Variants in PTPRD observed in about 807,000 individuals in gnomAD.
The protein encoded by PTPRD is receptor-type tyrosine-protein phosphatase delta.
In PTPRD, 34 loss-of-function variants were observed where a neutral mutation model predicts 214.5. The observed-to-expected ratio is 0.16, with a 90% CI of 0.12 to 0.21. PTPRD has a LOEUF of 0.21. PTPRD is among the 10% of genes least tolerant of loss of function. The pLI, the probability that PTPRD is intolerant of heterozygous loss-of-function variation, is 1.00. For missense variants in PTPRD, 2,545 were observed against 2,398.7 expected (o/e 1.06, Z -1.27); for synonymous variants, 1,128 against 845.7 (o/e 1.33, Z -5.79).
At chr9:9,147,330 G>C (rs1204821651) in intron 10 of PTPRD, among the ~76,000 whole-genome samples, 2 of 151,628 alleles carry the variant, frequency 1.3e-5, no homozygotes, top group East Asian at 3.9e-4. Context: ...CTGGGGTGGG[G>C]GAGGGGATTA....
chr9:8,342,688 G>T (rs867458171), intron 39 of PTPRD, among the ~76,000 whole-genome samples: 2 of 151,940 alleles, frequency 1.3e-5, no homozygotes, highest in African/African-American at 2.4e-5. Flanking sequence ...TTCATTTATT[G>T]TCCATCCCTC....
Position 9,564,893 on chromosome 9 carries a change from T to G in PTPRD, c.-237+9839A>C, listed in dbSNP as rs7863240. 9.8e-3 allele frequency among the ~76,000 whole-genome samples: 1,274 copies of G among 130,524 alleles called. 18 individuals carry two copies. Among genetic ancestry groups the G allele is most frequent in the African/African-American group, 0.039 (1,218 of 30,962 alleles). The allele number at this position is 130,524 out of a possible 152,430, so 85.6% of individuals were successfully genotyped here. A position where few individuals can be genotyped will look rare whatever the true frequency, so the allele number is the denominator to read the frequency against. On this transcript the variant is annotated intron_variant, in intron 8 of 45. Transcript: ENST00000381196. ...GAGACTTGAATCTTCTGTTTTTTTT[T>G]TTTTTTTTTTTTTTTTTTTTGCAGT...
chr9:10,327,154 T>C (rs1291965583), intron 3 of PTPRD, among the ~76,000 whole-genome samples: 1 of 127,226 alleles, frequency 7.9e-6, no homozygotes, highest in East Asian at 2.2e-4. Flanking sequence ...TGTGCATTTG[T>C]GCACATATAT....
intron 39 of PTPRD, among the ~76,000 whole-genome samples, chr9:8,343,790 C>A (rs776914367): frequency 2.6e-5 from 4 of 151,976 alleles, no homozygotes; most frequent in Non-Finnish European, 4.4e-5. Flanking sequence ...AAGTGCTCAA[C>A]AGTGTTTGTG....
intron 9 of PTPRD, among the ~76,000 whole-genome samples, chr9:9,372,569 T>C (rs1310919691): frequency 6.6e-6 from 1 of 152,146 alleles, no homozygotes; most frequent in Non-Finnish European, 1.5e-5. Context: ...CTTTATCCCA[T>C]TTGCCAGTCT....
At chr9:8,973,175 A>G (rs746711364) in intron 11 of PTPRD, among the ~76,000 whole-genome samples, 10 of 151,994 alleles carry the variant, frequency 6.6e-5, no homozygotes, top group Non-Finnish European at 1.2e-4. Flanking sequence ...GGGTGTGAGC[A>G]TAATACTCAA....
intron 3 of PTPRD, among the ~76,000 whole-genome samples, chr9:10,275,455 A>G (rs938635297): frequency 6.6e-6 from 1 of 152,092 alleles, no homozygotes; most frequent in Non-Finnish European, 1.5e-5. Context: ...GAGAGAATTG[A>G]TGTACTTATA....
chr9:10,156,956 G>A (rs1007041420), intron 3 of PTPRD, among the ~76,000 whole-genome samples: 4 of 152,210 alleles, frequency 2.6e-5, no homozygotes, highest in Middle Eastern at 3.4e-3. Context: ...TGCAACTTCT[G>A]CTTTTTTCTG....
At chr9:8,327,384 C>T (rs766145133) in intron 44 of PTPRD, among the ~76,000 whole-genome samples, 1 of 151,644 alleles carries the variant, frequency 6.6e-6, no homozygotes, top group Non-Finnish European at 1.5e-5. Flanking sequence ...TTTGATTGCA[C>T]TGTGGTCTGA....
chr9:9,954,569 GAAAA>G (rs1310845082), intron 4 of PTPRD, among the ~76,000 whole-genome samples: 1 of 145,878 alleles, frequency 6.9e-6, no homozygotes, highest in Non-Finnish European at 1.5e-5. Flanking sequence ...TGCAGAAATA[GAAAA>G]TCTGTCATTT....
At chr9:8,436,349 A>AC (rs947745983) in intron 35 of PTPRD, among the ~76,000 whole-genome samples, 3 of 151,986 alleles carry the variant, frequency 2.0e-5, no homozygotes, top group African/African-American at 7.2e-5. Flanking sequence ...AAAAATAAAA[A>AC]ACAGAAAATT....
intron 14 of PTPRD, among the ~76,000 whole-genome samples, chr9:8,538,039 C>A (rs984285359): frequency 2.0e-5 from 3 of 151,906 alleles, no homozygotes; most frequent in Non-Finnish European, 4.4e-5. Context: ...ACTATTAATA[C>A]CTGAACGTTT....
chr9:9,241,530 A>T (rs992275065), intron 9 of PTPRD, among the ~76,000 whole-genome samples: 1 of 152,130 alleles, frequency 6.6e-6, no homozygotes, highest in Non-Finnish European at 1.5e-5. Flanking sequence ...CGCACCTTGG[A>T]GAAACTGGTC....
At position 8,500,933 on chromosome 9, in the gene PTPRD, G is replaced by C. The variant is rs2136975733; in HGVS notation, c.1949C>G (p.Thr650Ser). The C allele has an allele frequency of 1.2e-6, 2 of 1,614,158 alleles. No homozygotes were observed. The highest frequency in any genetic ancestry group is 1.7e-6 in the Non-Finnish European group (2 of 1,180,012). The change falls in exon 24 of 46, where the codon ACT becomes AGT. Residue 650 changes from threonine (T) to serine (S), a missense_variant. Thr to Ser is a moderately conservative substitution (Grantham distance 58). Coordinates refer to ENST00000381196, the MANE Select transcript of PTPRD (RefSeq NM_002839.4). ...GIITEYSIKY[T>S]AVDGEDDKPH... is the part of the protein sequence containing the mutation. ...CTTGTCATCTTCCCCATCCACTGCA[G>C]TGTACTTGATGGAGTATTCAGTGAT...
chr9:9,263,311 T>C (rs767895576), intron 9 of PTPRD, among the ~76,000 whole-genome samples: 5 of 151,670 alleles, frequency 3.3e-5, no homozygotes, highest in Non-Finnish European at 5.9e-5. Context: ...TATAGGAGAA[T>C]TGAGGGAATA....
chr9:10,507,724 G>T (rs1187712102), intron 2 of PTPRD, among the ~76,000 whole-genome samples: 1 of 152,148 alleles, frequency 6.6e-6, no homozygotes, highest in East Asian at 1.9e-4. Flanking sequence ...AATAAATGGT[G>T]CTGGGAAAAC....
At chr9:8,523,117 G>A (rs1287073163) in intron 19 of PTPRD, among the ~76,000 whole-genome samples, 1 of 152,122 alleles carries the variant, frequency 6.6e-6, no homozygotes, top group East Asian at 1.9e-4. Flanking sequence ...AAGAAAAATG[G>A]AGGAGAGTTT....
At chr9:8,933,340 G>GTGTTTTTTTT (rs2098966599) in intron 11 of PTPRD, among the ~76,000 whole-genome samples, 1 of 80,430 alleles carries the variant, frequency 1.2e-5, no homozygotes, top group East Asian at 4.9e-4. Flanking sequence ...CAACCTTGAG[G>GTGTTTTTTTT]TTTTTTTTTT....
intron 10 of PTPRD, among the ~76,000 whole-genome samples, chr9:9,161,485 C>A (rs928945641): frequency 6.6e-6 from 1 of 151,970 alleles, no homozygotes; most frequent in Non-Finnish European, 1.5e-5. Flanking sequence ...CATTTGGGCT[C>A]CAAGCCAGGC....
Sources: allele counts gnomAD v4.1 joint callset (sites outside exome capture counted in the v4.1 genomes callset), GRCh38; gene constraint gnomAD v4.1.1; transcripts MANE v1.5; gene names NCBI Gene and HGNC (gene_info 2026-07-23, HGNC 2026-07-21).